The following FRS2 variants were observed in gnomAD, a reference collection of about 807,000 sequenced individuals.
FRS2 encodes fibroblast growth factor receptor substrate 2.
A neutral mutation model predicts 43.9 loss-of-function variants in FRS2; 8 were observed. The observed-to-expected ratio is 0.18, with a 90% confidence interval of 0.11 to 0.33. FRS2 has a LOEUF of 0.33. Among genes scored for constraint, FRS2 ranks in the 10% least tolerant of loss-of-function variants. FRS2 has a pLI of 1.00. For synonymous variants in FRS2, 219 were observed against 220.3 expected (o/e 0.99, Z 0.05); for missense variants, 534 against 627.6 (o/e 0.85, Z 1.59).
At chr12:69,567,098 A>C (rs1008292718) in intron 4 of FRS2, among the ~76,000 whole-genome samples, 2 of 152,088 alleles carry the variant, frequency 1.3e-5, no homozygotes, top group Non-Finnish European at 1.5e-5. Flanking sequence ...GTTCCCTTTC[A>C]TGTGCCCACA....
chr12:69,564,983 A>T (rs187151286), intron 4 of FRS2, among the ~76,000 whole-genome samples: 4 of 152,142 alleles, frequency 2.6e-5, no homozygotes, highest in Non-Finnish European at 5.9e-5. Flanking sequence ...CTCATATATC[A>T]CTTAATGGTG....
chr12:69,519,015 AG>A (rs1265246238), intron 1 of FRS2, among the ~76,000 whole-genome samples: 59 of 150,516 alleles, frequency 3.9e-4, no homozygotes, highest in African/African-American at 1.2e-3. Context: ...AAAAAAAAAA[AG>A]TTTTAACTGG....
chr12:69,484,550 T>C (rs1182088762), intron 1 of FRS2, among the ~76,000 whole-genome samples: 1 of 152,204 alleles, frequency 6.6e-6, no homozygotes, highest in Admixed American at 6.5e-5. Context: ...CTCCTCAATT[T>C]GGATTCTCAA....
At position 69,562,190 on chromosome 12, in the gene FRS2, C is replaced by T. The variant is rs946379163; in HGVS notation, c.-111C>T. 1.3e-5 allele frequency: 5 copies of T among 397,980 alleles called. No homozygotes were observed. Among genetic ancestry groups the T allele is most frequent in the Admixed American group, 8.8e-5 (2 of 22,694 alleles). The allele number at this position is 397,980 out of a possible 1,614,324, so 24.7% of individuals were successfully genotyped here. A position where few individuals can be genotyped will look rare whatever the true frequency, so the allele number is the denominator to read the frequency against. On this transcript the variant is annotated 5_prime_UTR_variant, in exon 4 of 9. An upstream open reading frame in the 5' UTR gains an earlier in-frame stop. Coordinates refer to ENST00000549921, the MANE Select transcript of FRS2 (RefSeq NM_001278356.2). ...TTCTTCTGTTTTTAGGTTAAATCAGCAAACAAAGAAAACATGGTATTTTGA... is the reference window on the plus strand; with the variant it reads ...TTCTTCTGTTTTTAGGTTAAATCAGTAAACAAAGAAAACATGGTATTTTGA...
chr12:69,512,285 T>C (rs1356062636), intron 1 of FRS2, among the ~76,000 whole-genome samples: 1 of 152,204 alleles, frequency 6.6e-6, no homozygotes, highest in Non-Finnish European at 1.5e-5. Context: ...ATAGCATAAA[T>C]TACTCTTTAT....
chr12:69,533,024 T>C (rs941516302), intron 3 of FRS2, among the ~76,000 whole-genome samples: 4 of 152,240 alleles, frequency 2.6e-5, no homozygotes, highest in Non-Finnish European at 5.9e-5. Flanking sequence ...TATTCTCATT[T>C]TACAAATGAG....
At chr12:69,544,443 T>C (rs1474841694) in intron 3 of FRS2, among the ~76,000 whole-genome samples, 8 of 152,150 alleles carry the variant, frequency 5.3e-5, no homozygotes. Flanking sequence ...CAGTGGTTCA[T>C]GTCTGTAATT....
intron 4 of FRS2, among the ~76,000 whole-genome samples, chr12:69,564,297 C>T (rs1453479801): frequency 6.6e-6 from 1 of 151,412 alleles, no homozygotes; most frequent in African/African-American, 2.4e-5. Context: ...TATTTAAACA[C>T]ATTTGTATTT....
At chr12:69,479,390 C>CTTTTTTTTTT (rs57688271) in intron 1 of FRS2, among the ~76,000 whole-genome samples, 13 of 119,690 alleles carry the variant, frequency 1.1e-4, no homozygotes, top group East Asian at 2.4e-4. Context: ...TCTGTTGTTT[C>CTTTTTTTTTT]TTTTTTTTTT....
chr12:69,545,113 A>G (rs959124459), intron 3 of FRS2, among the ~76,000 whole-genome samples: 11 of 152,204 alleles, frequency 7.2e-5, no homozygotes, highest in African/African-American at 2.4e-4. Context: ...GATTTTTACA[A>G]TGAAAACTAT....
chr12:69,507,858 C>G (rs140015198), intron 1 of FRS2, among the ~76,000 whole-genome samples: 1 of 151,748 alleles, frequency 6.6e-6, no homozygotes, highest in South Asian at 2.1e-4. Context: ...AACCCTGTCT[C>G]TACTAAAAAT....
At chr12:69,519,615 G>A (rs536170787) in intron 1 of FRS2, among the ~76,000 whole-genome samples, 1 of 152,146 alleles carries the variant, frequency 6.6e-6, no homozygotes, top group South Asian at 2.1e-4. Context: ...GTGTCCATGT[G>A]TACTCATCAT....
In FRS2 at chr12:69,574,559, A is replaced by G. The variant is rs770210154; in HGVS notation, c.1131A>G (p.Pro377=). The change falls in exon 9 of 9, where the codon CCA becomes CCG. Residue 377 remains proline, a synonymous_variant. Transcript: ENST00000549921. ...ATGACAATTTAGGACCAAAGACCCC[A>G]TCTCTAAATGGCTACCATAATAATC... ...DEDDNLGPKT[P]SLNGYHNNLD... The G allele has an allele frequency of 1.2e-6, 2 of 1,614,164 alleles. No individual in the cohort carries two copies. Among genetic ancestry groups the G allele is most frequent in the African/African-American group, 1.3e-5 (1 of 75,056 alleles).
chr12:69,524,037 T>TGCAG (rs1875953239), intron 1 of FRS2, among the ~76,000 whole-genome samples: 1 of 152,214 alleles, frequency 6.6e-6, no homozygotes, highest in African/African-American at 2.4e-5. Context: ...CCAGCCTCCA[T>TGCAG]GCAGGCATTT....
intron 3 of FRS2, among the ~76,000 whole-genome samples, chr12:69,561,526 A>G (rs1879875700): frequency 6.6e-6 from 1 of 152,204 alleles, no homozygotes; most frequent in Non-Finnish European, 1.5e-5. Flanking sequence ...TGTGCTGTGA[A>G]GGGTAAATAA....
At chr12:69,510,357 G>A (rs569481260) in intron 1 of FRS2, among the ~76,000 whole-genome samples, 13 of 152,068 alleles carry the variant, frequency 8.5e-5, no homozygotes, top group Admixed American at 2.6e-4. Context: ...TTCTGTCTCC[G>A]TTACATCTGT....
rs781274920 is a variant in FRS2 at position 69,574,649 on chromosome 12, A to G, written c.1221A>G (p.Ile407Met). The change falls in exon 9 of 9, where the codon ATA (isoleucine) becomes ATG (methionine). Residue 407 changes from isoleucine to methionine, a missense_variant. By Grantham distance (10) the Ile-to-Met change is conservative (BLOSUM62 1). Coordinates refer to ENST00000549921, the MANE Select transcript of FRS2 (RefSeq NM_001278356.2). ...NVTVPASAHK[I>M]EYSRRRDCTP... ...CAGTGCCAGCAAGTGCTCACAAAATAGAATATTCAAGGCGTCGGGACTGTA... is the reference window on the plus strand; with the variant it reads ...CAGTGCCAGCAAGTGCTCACAAAATGGAATATTCAAGGCGTCGGGACTGTA... The G allele has an allele frequency of 6.2e-7, 1 of 1,614,212 alleles. No individual in the cohort carries two copies. Among genetic ancestry groups the G allele is most frequent in the South Asian group, 1.1e-5 (1 of 91,088 alleles).
rs370770580 is a variant in FRS2 at position 69,525,633 on chromosome 12, C to T, written c.-260-5232C>T. On this transcript the variant is annotated intron_variant, in intron 1 of 8. Coordinates refer to ENST00000549921, the MANE Select transcript of FRS2 (RefSeq NM_001278356.2). Reference sequence around the variant, plus strand: ...GTTTATAATTGGTATCTTGAGAACGCGTGTCCTCTCTTTCCTCTCCTTTCC... The same window carrying T: ...GTTTATAATTGGTATCTTGAGAACGTGTGTCCTCTCTTTCCTCTCCTTTCC... Among the ~76,000 whole-genome samples, 130 of 152,078 alleles carry T rather than the reference C, an allele frequency of 8.5e-4. 2 individuals carry two copies. The East Asian group carries it at 0.016, about 19-fold the overall frequency.
intron 3 of FRS2, among the ~76,000 whole-genome samples, chr12:69,561,576 G>A (rs1030208321): frequency 6.6e-6 from 1 of 152,156 alleles, no homozygotes; most frequent in Non-Finnish European, 1.5e-5. Flanking sequence ...GAAATCTCTT[G>A]TAACTCTGGA....
Sources: gnomAD v4.1 joint callset for allele counts (sites outside exome capture counted in the v4.1 genomes callset) on GRCh38, gnomAD v4.1.1 for gene constraint, MANE v1.5 for transcripts, NCBI Gene and HGNC (gene_info 2026-07-23, HGNC 2026-07-21) for gene names.